The following RNF121 variants were observed in gnomAD, a reference collection of about 807,000 sequenced individuals.
The protein encoded by RNF121 is ring finger protein 121.
A neutral mutation model predicts 46.5 loss-of-function variants in RNF121; 21 were observed. The ratio of observed to expected loss-of-function variants is 0.45; its 90% CI spans 0.32 to 0.65. RNF121 has a LOEUF of 0.65. RNF121 is among the 30% of genes least tolerant of loss of function. The pLI is 0.04. For missense variants in RNF121, 346 were observed against 416.0 expected (o/e 0.83, Z 1.46); for synonymous variants, 139 against 144.7 (o/e 0.96, Z 0.28).
At chr11:71,977,878 A>T (rs1444072133) in intron 3 of RNF121, among the ~76,000 whole-genome samples, 1 of 152,220 alleles carries the variant, frequency 6.6e-6, no homozygotes, top group Admixed American at 6.5e-5. Flanking sequence ...TTTCCACAGC[A>T]TCAGGCACAA....
chr11:71,986,261 A>C (rs531865396), intron 4 of RNF121, among the ~76,000 whole-genome samples: 13 of 152,326 alleles, frequency 8.5e-5, no homozygotes, highest in Middle Eastern at 3.4e-3. Flanking sequence ...CCAGGTACAA[A>C]CAACCTGTAG....
intron 2 of RNF121, 49 bp from the exon 3 acceptor site, chr11:71,960,701 A>G: frequency 1.3e-6 from 2 of 1,586,032 alleles, no homozygotes; most frequent in Non-Finnish European, 1.7e-6. Flanking sequence ...CTGTCCCTTT[A>G]TCACTACAGC....
At chr11:71,963,744 A>G (rs1330340060) in intron 3 of RNF121, among the ~76,000 whole-genome samples, 1 of 152,244 alleles carries the variant, frequency 6.6e-6, no homozygotes, top group Non-Finnish European at 1.5e-5. Context: ...CAGTTGTCCC[A>G]GCATCATTTA....
chr11:71,971,516 A>T (rs1324543388), intron 3 of RNF121, among the ~76,000 whole-genome samples: 1 of 152,228 alleles, frequency 6.6e-6, no homozygotes, highest in Non-Finnish European at 1.5e-5. Context: ...CTGAAACTGA[A>T]TGGAGAATAG....
At chr11:71,995,320 C>T in intron 7 of RNF121, 130 bp from the exon 8 acceptor site, 2 of 724,754 alleles carry the variant, frequency 2.8e-6, no homozygotes, top group Non-Finnish European at 4.8e-6. Flanking sequence ...GAAACAGGTT[C>T]AGACACAGGG....
chr11:71,967,820 G>T (rs190412389), intron 3 of RNF121, among the ~76,000 whole-genome samples: 1 of 151,314 alleles, frequency 6.6e-6, no homozygotes, highest in Non-Finnish European at 1.5e-5. Flanking sequence ...ACATTATTAA[G>T]TATTATATGT....
intron 3 of RNF121, among the ~76,000 whole-genome samples, chr11:71,967,622 C>A (rs1443969368): frequency 6.6e-6 from 1 of 151,684 alleles, no homozygotes; most frequent in African/African-American, 2.4e-5. Flanking sequence ...GTGGTTTCAC[C>A]ATGTTGGCCA....
intron 3 of RNF121, among the ~76,000 whole-genome samples, chr11:71,980,634 A>T (rs1040170029): frequency 7.2e-5 from 11 of 152,182 alleles, no homozygotes; most frequent in African/African-American, 2.2e-4. Flanking sequence ...GGTGTGAGTC[A>T]CCACGCCTGG....
intron 6 of RNF121, chr11:71,990,934 C>T (rs1954852848): frequency 3.5e-6 from 2 of 575,130 alleles, no homozygotes; most frequent in South Asian, 4.7e-5. Flanking sequence ...AACATGCCAG[C>T]TGGAGGCCTT....
chr11:71,950,891 A>G (rs983741107), intron 1 of RNF121, among the ~76,000 whole-genome samples: 6 of 152,146 alleles, frequency 3.9e-5, no homozygotes, highest in African/African-American at 1.4e-4. Flanking sequence ...TTGGAGTTAG[A>G]CAGATTTTAT....
In RNF121 at chr11:71,934,938, A is replaced by ACT. The variant is rs780793577; in HGVS notation, c.63+5814_63+5815insCT. Among the ~76,000 whole-genome samples, 10 of 145,096 alleles carry ACT rather than the reference A, an allele frequency of 6.9e-5. 4 individuals are homozygous for ACT. Among genetic ancestry groups the ACT allele is most frequent in the Non-Finnish European group, 1.2e-4 (8 of 67,042 alleles). ...GTCCTGTGCCAAGTGTTCCAAATGC[A>ACT]TTCTTTTTTTTTTTTTTTTTTTTTA... is the stretch of plus-strand genomic sequence containing the variant. On this transcript the variant is annotated intron_variant, in intron 1 of 8. Coordinates refer to ENST00000361756, the MANE Select transcript of RNF121 (RefSeq NM_018320.5).
Position 71,997,258 on chromosome 11 carries a change from G to C in RNF121, c.*943G>C, listed in dbSNP as rs1955001699. ...AGGCAGAAGAATATGACAGATGTCA[G>C]CTTCTCCCTGTGTCAGATGATATGT... is the stretch of plus-strand genomic sequence containing the variant. On this transcript the variant is annotated 3_prime_UTR_variant, in exon 9 of 9. Coordinates refer to ENST00000361756, the MANE Select transcript of RNF121 (RefSeq NM_018320.5). 1 of 152,154 alleles carries C rather than the reference G, an allele frequency of 6.6e-6. No individual in the cohort carries two copies. The highest frequency in any genetic ancestry group is 1.5e-5 in the Non-Finnish European group (1 of 68,058). The allele number at this position is 152,154 out of a possible 1,614,324, so 9.4% of individuals were successfully genotyped here.
At chr11:71,973,265 G>C (rs1464288038) in intron 3 of RNF121, among the ~76,000 whole-genome samples, 1 of 152,174 alleles carries the variant, frequency 6.6e-6, no homozygotes, top group Non-Finnish European at 1.5e-5. Context: ...GACTGGAGTG[G>C]AAGGATAGCT....
intron 3 of RNF121, among the ~76,000 whole-genome samples, chr11:71,971,917 T>TGTAAGAGG (rs1554989663): frequency 1.3e-5 from 2 of 152,164 alleles, no homozygotes; most frequent in Non-Finnish European, 2.9e-5. Flanking sequence ...TAAGGGGATA[T>TGTAAGAGG]GTAAGAGGGT....
intron 3 of RNF121, among the ~76,000 whole-genome samples, chr11:71,970,769 T>C (rs1033204673): frequency 1.3e-5 from 2 of 152,192 alleles, no homozygotes; most frequent in African/African-American, 4.8e-5. Context: ...TATTTTTTTC[T>C]CTACCTAAAG....
chr11:71,955,183 CTTAA>C (rs768434800), intron 1 of RNF121, among the ~76,000 whole-genome samples: 1 of 152,146 alleles, frequency 6.6e-6, no homozygotes, highest in Non-Finnish European at 1.5e-5. Context: ...TGAGTGCTTC[CTTAA>C]ATTTTGAGCC....
chr11:71,992,437 G>T (rs72956164), intron 6 of RNF121, among the ~76,000 whole-genome samples: 5 of 152,052 alleles, frequency 3.3e-5, no homozygotes, highest in Non-Finnish European at 7.4e-5. Flanking sequence ...AGACAATTTG[G>T]TGTCTCTTAA....
intron 4 of RNF121, among the ~76,000 whole-genome samples, chr11:71,985,669 T>TA (rs1351323583): frequency 1.3e-5 from 2 of 152,208 alleles, no homozygotes; most frequent in African/African-American, 4.8e-5. Flanking sequence ...GGTAGTAACC[T>TA]AGTCAGCTCT....
chr11:71,936,505 T>G (rs1325148029), intron 1 of RNF121, among the ~76,000 whole-genome samples: 2 of 152,066 alleles, frequency 1.3e-5, no homozygotes, highest in Admixed American at 1.3e-4. Context: ...TTCTCCTGCC[T>G]CAGCCTCCCG....
Sources: allele counts gnomAD v4.1 joint callset (sites outside exome capture counted in the v4.1 genomes callset), GRCh38; gene constraint gnomAD v4.1.1; transcripts MANE v1.5; gene names NCBI Gene and HGNC (gene_info 2026-07-23, HGNC 2026-07-21).